Variants in PLXNA4 observed in about 807,000 individuals in gnomAD.
The protein encoded by PLXNA4 is plexin-A4.
A neutral mutation model predicts 191.8 loss-of-function variants in PLXNA4; 44 were observed. The ratio of observed to expected loss-of-function variants is 0.23; its 90% CI spans 0.18 to 0.29. The LOEUF is 0.29. Among genes scored for constraint, PLXNA4 ranks in the 10% least tolerant of loss-of-function variants. The pLI, the probability that PLXNA4 is intolerant of heterozygous loss-of-function variation, is 1.00. For synonymous variants in PLXNA4, 1,082 were observed against 1,009.5 expected (o/e 1.07, Z -1.36); for missense variants, 1,800 against 2,488.8 (o/e 0.72, Z 5.89).
rs184099088 is a variant in PLXNA4, at chr7:132,376,884, C to A, written c.1372-78662G>T. On this transcript the variant is annotated intron_variant, in intron 3 of 31. Coordinates refer to ENST00000321063, the MANE Select transcript of PLXNA4 (RefSeq NM_020911.2). ...TCCCAGGTCAACCTTCGGTGCCAGG[C>A]AGGGTTAATCCTCTCTCTGCTTTTA... Among the ~76,000 whole-genome samples, 11 of 152,324 alleles carry A rather than the reference C, an allele frequency of 7.2e-5. No homozygotes were observed. In the East Asian group the frequency reaches 1.9e-3, roughly 27 times the overall value.
intron 13 of PLXNA4, 93 bp from the exon 14 acceptor site, chr7:132,194,272 G>T: frequency 6.7e-7 from 1 of 1,484,410 alleles, no homozygotes; most frequent in Non-Finnish European, 9.0e-7. Context: ...TTTCTCCACA[G>T]TAGGATCTCA....
chr7:132,190,009 G>A (rs749485371), intron 14 of PLXNA4, among the ~76,000 whole-genome samples: 20 of 152,138 alleles, frequency 1.3e-4, no homozygotes, highest in Non-Finnish European at 2.4e-4. Flanking sequence ...GAGCTTCAGG[G>A]ACCTACCAGA....
chr7:132,634,414 T>A (rs1803553857), intron 2 of PLXNA4, among the ~76,000 whole-genome samples: 1 of 150,842 alleles, frequency 6.6e-6, no homozygotes, highest in African/African-American at 2.4e-5. Context: ...CCTACTGGAG[T>A]GAGTAGGGGT....
chr7:132,157,773 A>G (rs988995048), intron 25 of PLXNA4, among the ~76,000 whole-genome samples: 2 of 152,140 alleles, frequency 1.3e-5, no homozygotes, highest in African/African-American at 4.8e-5. Context: ...TGGTTCCACT[A>G]CCAAACTCAA....
chr7:132,151,403 AG>A (rs1795615337), intron 25 of PLXNA4, among the ~76,000 whole-genome samples: 8 of 75,238 alleles, frequency 1.1e-4, no homozygotes, highest in African/African-American at 2.1e-4. Context: ...GAGGAGGAGG[AG>A]GAGGAAGGAG....
chr7:132,324,478 A>C (rs541287713), intron 3 of PLXNA4, among the ~76,000 whole-genome samples: 20 of 152,304 alleles, frequency 1.3e-4, no homozygotes, highest in Admixed American at 9.8e-4. Context: ...AATATGTTTA[A>C]TTTATCGTTA....
chr7:132,256,423 G>A (rs1036824026), intron 4 of PLXNA4, among the ~76,000 whole-genome samples: 1 of 152,186 alleles, frequency 6.6e-6, no homozygotes, highest in African/African-American at 2.4e-5. Flanking sequence ...GCAGAGTGGG[G>A]CTGGTTTGGG....
intron 20 of PLXNA4, among the ~76,000 whole-genome samples, chr7:132,178,122 A>G (rs1796538135): frequency 6.6e-6 from 1 of 152,178 alleles, no homozygotes; most frequent in South Asian, 2.1e-4. Flanking sequence ...TTTTAATACA[A>G]GCTTTGAAAC....
chr7:132,236,501 C>T (rs751177368), intron 5 of PLXNA4, among the ~76,000 whole-genome samples: 1 of 152,180 alleles, frequency 6.6e-6, no homozygotes, highest in South Asian at 2.1e-4. Context: ...TAGCAAGCAA[C>T]CGAGTCACTT....
At chr7:132,618,146 C>T (rs543812443) in intron 2 of PLXNA4, among the ~76,000 whole-genome samples, 2 of 152,322 alleles carry the variant, frequency 1.3e-5, no homozygotes, top group South Asian at 2.1e-4. Context: ...GAAATGCAGT[C>T]CCTAGCTGGG....
intron 1 of PLXNA4, among the ~76,000 whole-genome samples, chr7:132,562,877 CTTCT>C (rs1265757810): frequency 4.2e-5 from 5 of 119,552 alleles, no homozygotes; most frequent in Non-Finnish European, 6.9e-5. Flanking sequence ...TCCTCCTCCT[CTTCT>C]TTCTCTGCCT....
At chr7:132,309,731 G>T (rs1358546157) in intron 3 of PLXNA4, among the ~76,000 whole-genome samples, 1 of 152,148 alleles carries the variant, frequency 6.6e-6, no homozygotes, top group Admixed American at 6.5e-5. Flanking sequence ...CTGTCTAGCT[G>T]GAGGCCCAAA....
At chr7:132,368,761 C>A (rs1804301230) in intron 3 of PLXNA4, among the ~76,000 whole-genome samples, 1 of 152,202 alleles carries the variant, frequency 6.6e-6, no homozygotes, top group South Asian at 2.1e-4. Flanking sequence ...GGGCCCCGCC[C>A]TGAAGGAAGA....
chr7:132,546,821 C>A (rs1800330444), intron 1 of PLXNA4, among the ~76,000 whole-genome samples: 1 of 152,168 alleles, frequency 6.6e-6, no homozygotes, highest in Admixed American at 6.5e-5. Flanking sequence ...GGAACAAGGG[C>A]AGGGACTTTG....
At chr7:132,561,099 C>T (rs1223450891) in intron 1 of PLXNA4, among the ~76,000 whole-genome samples, 3 of 152,036 alleles carry the variant, frequency 2.0e-5, no homozygotes, top group Admixed American at 1.3e-4. Flanking sequence ...CTGGTGCAGC[C>T]TCTGCCGTGT....
chr7:132,420,865 G>A (rs1265204658), intron 3 of PLXNA4, among the ~76,000 whole-genome samples: 4 of 152,124 alleles, frequency 2.6e-5, no homozygotes, highest in South Asian at 4.2e-4. Flanking sequence ...CTCTTCTCTT[G>A]TCTGCCACCA....
chr7:132,599,968 C>T (rs1042788257), intron 2 of PLXNA4, among the ~76,000 whole-genome samples: 9 of 152,092 alleles, frequency 5.9e-5, no homozygotes, highest in Non-Finnish European at 8.8e-5. Flanking sequence ...CCTATTAATA[C>T]GATAAGTTAT....
At chr7:132,478,945 A>T (rs73444811) in intron 3 of PLXNA4, among the ~76,000 whole-genome samples, 6,240 of 152,184 alleles carry the variant, frequency 0.041, 209 homozygotes, top group African/African-American at 0.083. Context: ...CTTCTCCAGC[A>T]GGGGAGAAAC....
At chr7:132,545,348 G>A (rs1800256176) in intron 1 of PLXNA4, among the ~76,000 whole-genome samples, 1 of 152,168 alleles carries the variant, frequency 6.6e-6, no homozygotes, top group Admixed American at 6.5e-5. Flanking sequence ...ACATCCCAGG[G>A]ATAGACTCTC....
Sources: gnomAD v4.1 joint callset for allele counts (sites outside exome capture counted in the v4.1 genomes callset) on GRCh38, gnomAD v4.1.1 for gene constraint, MANE v1.5 for transcripts, NCBI Gene and HGNC (gene_info 2026-07-23, HGNC 2026-07-21) for gene names.